Variants in ZFAND3 observed in about 807,000 individuals in gnomAD.
The protein encoded by ZFAND3 is zinc finger AN1-type containing 3, also known as AN1-type zinc finger protein 3.
ZFAND3 carries 10 observed loss-of-function variants against 29.6 expected under a neutral mutation model. That is an observed-to-expected ratio of 0.34 (90% confidence interval 0.21 to 0.57). The LOEUF is 0.57. ZFAND3 is among the 20% of genes least tolerant of loss of function. The probability of loss-of-function intolerance (pLI) is 0.86; values close to 1 mark genes in which losing one functional copy is unlikely to be tolerated. For missense variants in ZFAND3, 230 were observed against 304.5 expected (o/e 0.76, Z 1.82); for synonymous variants, 128 against 112.6 (o/e 1.14, Z -0.87).
chr6:38,089,181 G>A (rs1312772496), intron 4 of ZFAND3, among the ~76,000 whole-genome samples: 2 of 151,738 alleles, frequency 1.3e-5, no homozygotes, highest in South Asian at 4.2e-4. Context: ...GTGGTACAGT[G>A]GTGCGATCTT....
intron 5 of ZFAND3, among the ~76,000 whole-genome samples, chr6:38,137,004 A>G (rs919028825): frequency 6.6e-6 from 1 of 152,262 alleles, no homozygotes; most frequent in Non-Finnish European, 1.5e-5. Context: ...AATCTGGAGT[A>G]ACTGACCAAA....
rs1316848860 is a variant in ZFAND3, at chr6:38,152,675, C to A, written c.*286C>A. ...TGGATTTAAAACAACACATACCTGT[C>A]ACTGCTGGAGTCAAACTTATAAAAA... On this transcript the variant is annotated 3_prime_UTR_variant, in exon 6 of 6. Coordinates refer to ENST00000287218, the MANE Select transcript of ZFAND3 (RefSeq NM_021943.3). 2 of 1,121,036 alleles carry A rather than the reference C, an allele frequency of 1.8e-6. No individual in the cohort carries two copies. The highest frequency in any genetic ancestry group is 2.2e-6 in the Non-Finnish European group (2 of 918,236). 69.4% of individuals were successfully genotyped at this position (1,121,036 alleles called of 1,614,324 possible).
intron 2 of ZFAND3, among the ~76,000 whole-genome samples, chr6:38,026,989 G>A (rs1686342311): frequency 6.6e-6 from 1 of 151,952 alleles, no homozygotes; most frequent in South Asian, 2.1e-4. Flanking sequence ...ACTTTTTTTG[G>A]TGGGGGGAGG....
intron 2 of ZFAND3, among the ~76,000 whole-genome samples, chr6:38,028,192 C>T (rs968679365): frequency 5.3e-5 from 8 of 152,112 alleles, no homozygotes; most frequent in Admixed American, 2.0e-4. Flanking sequence ...GTAGTTTGTG[C>T]CTCATATTGA....
At chr6:38,034,431 T>G (rs1424049478) in intron 2 of ZFAND3, among the ~76,000 whole-genome samples, 4 of 152,166 alleles carry the variant, frequency 2.6e-5, no homozygotes, top group African/African-American at 9.7e-5. Flanking sequence ...AGTTATTTTA[T>G]TAGGAAAAAA....
At chr6:38,033,951 T>G (rs912357035) in intron 2 of ZFAND3, among the ~76,000 whole-genome samples, 6 of 152,150 alleles carry the variant, frequency 3.9e-5, no homozygotes, top group African/African-American at 7.2e-5. Flanking sequence ...CAAAATAAAT[T>G]TTATTTTACA....
At chr6:37,895,862 C>G (rs765395132) in intron 1 of ZFAND3, among the ~76,000 whole-genome samples, 10 of 152,110 alleles carry the variant, frequency 6.6e-5, no homozygotes, top group Admixed American at 5.2e-4. Flanking sequence ...TGTACCAAAT[C>G]AACATTTAAT....
chr6:38,091,691 C>CT (rs34406765), intron 4 of ZFAND3, among the ~76,000 whole-genome samples: 49,299 of 129,760 alleles, frequency 0.38, 10,179 homozygotes, highest in Non-Finnish European at 0.49. Flanking sequence ...ATTAAGGAGC[C>CT]TTTTTTTTTT....
chr6:37,946,438 G>A (rs1284701251), intron 2 of ZFAND3, among the ~76,000 whole-genome samples: 1 of 152,136 alleles, frequency 6.6e-6, no homozygotes, highest in East Asian at 1.9e-4. Flanking sequence ...GCTCAAAAGA[G>A]CAACAACCTT....
intron 1 of ZFAND3, among the ~76,000 whole-genome samples, chr6:37,859,862 G>GTTTTTTTTTTTTT (rs55850662): frequency 1.5e-5 from 2 of 133,310 alleles, no homozygotes; most frequent in Non-Finnish European, 3.1e-5. Context: ...GCTGGAGTGG[G>GTTTTTTTTTTTTT]TTTTTTTTTT....
chr6:37,849,237 G>A (rs1052820066), intron 1 of ZFAND3, among the ~76,000 whole-genome samples: 3 of 152,098 alleles, frequency 2.0e-5, no homozygotes, highest in Non-Finnish European at 4.4e-5. Context: ...ATTCTCAAGC[G>A]AGAGCTCCCC....
intron 5 of ZFAND3, among the ~76,000 whole-genome samples, chr6:38,144,215 T>TA (rs1766046868): frequency 2.4e-5 from 1 of 40,840 alleles, no homozygotes; most frequent in African/African-American, 1.0e-4. Flanking sequence ...ATATATAATA[T>TA]ATAATATATA....
At chr6:37,938,065 C>T (rs1457267508) in intron 2 of ZFAND3, among the ~76,000 whole-genome samples, 1 of 152,180 alleles carries the variant, frequency 6.6e-6, no homozygotes, top group African/African-American at 2.4e-5. Context: ...TCAGAGACAA[C>T]TACTCTCCTT....
At chr6:37,862,403 G>A (rs1764508977) in intron 1 of ZFAND3, among the ~76,000 whole-genome samples, 1 of 151,946 alleles carries the variant, frequency 6.6e-6, no homozygotes, top group African/African-American at 2.4e-5. Context: ...ATCTGCTGCA[G>A]GGGCTGAGCA....
At chr6:37,966,875 C>T (rs142741854) in intron 2 of ZFAND3, among the ~76,000 whole-genome samples, 36 of 152,236 alleles carry the variant, frequency 2.4e-4, no homozygotes, top group Admixed American at 8.5e-4. Flanking sequence ...TTTTCATGAA[C>T]TTGGCACTTT....
intron 5 of ZFAND3, among the ~76,000 whole-genome samples, chr6:38,131,651 C>CCCACTGTTG (rs1355843521): frequency 6.6e-6 from 1 of 152,218 alleles, no homozygotes; most frequent in East Asian, 1.9e-4. Flanking sequence ...ATACCTTCCT[C>CCCACTGTTG]CCACTGTTGT....
chr6:38,124,902 G>T (rs78253904), intron 5 of ZFAND3, among the ~76,000 whole-genome samples: 10,002 of 152,306 alleles, frequency 0.066, 453 homozygotes, highest in Middle Eastern at 0.11. Context: ...TTAAGCAAAA[G>T]ACCCCGGCCT....
intron 2 of ZFAND3, among the ~76,000 whole-genome samples, chr6:37,940,739 A>T (rs556361661): frequency 6.6e-6 from 1 of 152,356 alleles, no homozygotes; most frequent in Admixed American, 6.5e-5. Flanking sequence ...TTTAACTATT[A>T]TCAAAGGTTG....
intron 2 of ZFAND3, among the ~76,000 whole-genome samples, chr6:37,958,512 T>C (rs1762140695): frequency 6.6e-6 from 1 of 150,742 alleles, no homozygotes; most frequent in Admixed American, 6.6e-5. Flanking sequence ...TTTATGTAAA[T>C]GAGATTTTTA....
Sources: gnomAD v4.1 joint callset for allele counts (sites outside exome capture counted in the v4.1 genomes callset) on GRCh38, gnomAD v4.1.1 for gene constraint, MANE v1.5 for transcripts, NCBI Gene and HGNC (gene_info 2026-07-23, HGNC 2026-07-21) for gene names.